ADD3: variants seen among roughly 807,000 people sequenced by gnomAD.
ADD3 encodes the protein adducin 3.
In ADD3, 25 loss-of-function variants were observed where a neutral mutation model predicts 80.2. That is an observed-to-expected ratio of 0.31 (90% confidence interval 0.23 to 0.44). ADD3 has a LOEUF of 0.44. Among genes scored for constraint, ADD3 ranks in the 20% least tolerant of loss-of-function variants. ADD3 has a pLI of 1.00. For synonymous variants in ADD3, 284 were observed against 289.6 expected (o/e 0.98, Z 0.20); for missense variants, 829 against 847.5 (o/e 0.98, Z 0.27).
At position 110,018,019 on chromosome 10, in the gene ADD3, C is replaced by G. The variant is rs185037664; in HGVS notation, c.-30+9720C>G. On this transcript the variant is annotated intron_variant, in intron 1 of 14. Transcript: ENST00000356080. ...AGGGCTTCTGGTCCTTCTCCTTTAT[C>G]TGTAAGGAATTATACTTTAATATGT... Among the ~76,000 whole-genome samples the G allele has an allele frequency of 3.5e-3, 533 of 152,292 alleles. 1 individual carries two copies. The highest frequency in any genetic ancestry group is 6.5e-3 in the Admixed American group (100 of 15,292).
intron 1 of ADD3, among the ~76,000 whole-genome samples, chr10:110,072,513 A>G (rs1844858247): frequency 1.3e-5 from 2 of 152,194 alleles, no homozygotes; most frequent in South Asian, 4.1e-4. Flanking sequence ...AGTAAGCCAG[A>G]GGGTTGTGGG....
intron 3 of ADD3, among the ~76,000 whole-genome samples, chr10:110,114,813 C>G (rs1022991773): frequency 1.3e-5 from 2 of 152,292 alleles, no homozygotes; most frequent in African/African-American, 4.8e-5. Flanking sequence ...CACAGTGGCT[C>G]ATGTCTGTAA....
At chr10:110,042,541 T>G (rs567772348) in intron 1 of ADD3, among the ~76,000 whole-genome samples, 1 of 152,264 alleles carries the variant, frequency 6.6e-6, no homozygotes, top group East Asian at 1.9e-4. Context: ...TAAAATAAAT[T>G]TATTTCAATT....
rs949069747 is a variant in ADD3 at position 110,083,072 on chromosome 10, G to A, written c.-29-17553G>A. Among the ~76,000 whole-genome samples the A allele has an allele frequency of 7.2e-5, 11 of 152,210 alleles. No homozygotes were observed. In the East Asian group the frequency reaches 7.7e-4, roughly 11 times the overall value. ...TGAGTAACTCTAAGTGGACAGTAAA[G>A]AAAGGAAAAAATGTTGACCCAGTTA... On this transcript the variant is annotated intron_variant, in intron 1 of 14. Coordinates refer to ENST00000356080, the MANE Select transcript of ADD3 (RefSeq NM_016824.5).
chr10:110,114,924 T>G (rs548284173), intron 3 of ADD3, among the ~76,000 whole-genome samples: 34 of 147,642 alleles, frequency 2.3e-4, no homozygotes, highest in African/African-American at 8.0e-4. Flanking sequence ...CTAAACAAAT[T>G]AAAAAATTAG....
chr10:110,040,955 T>TCTCTCTCG lies in ADD3; in HGVS notation c.-30+32663_-30+32664insGCTCTCTC, dbSNP rs1856264906. Among the ~76,000 whole-genome samples the TCTCTCTCG allele has an allele frequency of 1.5e-4, 4 of 27,180 alleles. No individual in the cohort carries two copies. The South Asian group carries it at 6.7e-3, about 45-fold the overall frequency. 17.8% of individuals were successfully genotyped at this position (27,180 alleles called of 152,430 possible). Reference sequence around the variant, plus strand: ...CTCTCTCTCTCTCTCGCTCTCTCTGTCTCTCTCTGTCTCTCTCTCTCTCTC... The same window carrying TCTCTCTCG: ...CTCTCTCTCTCTCTCGCTCTCTCTGTCTCTCTCGCTCTCTCTGTCTCTCTCTCTCTCTC... On this transcript the variant is annotated intron_variant, in intron 1 of 14. Coordinates refer to ENST00000356080, the MANE Select transcript of ADD3 (RefSeq NM_016824.5).
chr10:110,088,173 C>A (rs1847038124), intron 1 of ADD3, among the ~76,000 whole-genome samples: 1 of 152,104 alleles, frequency 6.6e-6, no homozygotes, highest in South Asian at 2.1e-4. Flanking sequence ...ATCTACAAAC[C>A]CTATTTTCAA....
At chr10:110,094,826 A>G (rs1015381979) in intron 1 of ADD3, among the ~76,000 whole-genome samples, 31 of 152,180 alleles carry the variant, frequency 2.0e-4, no homozygotes, top group African/African-American at 7.5e-4. Flanking sequence ...CTGAAATAGC[A>G]TTTGTTGTTT....
At chr10:110,046,345 T>A (rs1404020542) in intron 1 of ADD3, among the ~76,000 whole-genome samples, 2 of 152,140 alleles carry the variant, frequency 1.3e-5, no homozygotes, top group African/African-American at 4.8e-5. Flanking sequence ...CATAATCAAC[T>A]GTTTATGCTA....
chr10:110,090,099 A>T (rs541958824), intron 1 of ADD3, among the ~76,000 whole-genome samples: 6 of 151,390 alleles, frequency 4.0e-5, no homozygotes, highest in Non-Finnish European at 8.8e-5. Context: ...TCAATAAAAT[A>T]TCCTTCGTCG....
intron 1 of ADD3, among the ~76,000 whole-genome samples, chr10:110,077,826 C>G (rs1845547856): frequency 6.6e-6 from 1 of 151,856 alleles, no homozygotes; most frequent in African/African-American, 2.4e-5. Flanking sequence ...CACTGAGTTT[C>G]TCTTTGTACC....
At chr10:110,008,986 G>T (rs1033301285) in intron 1 of ADD3, among the ~76,000 whole-genome samples, 6 of 152,164 alleles carry the variant, frequency 3.9e-5, no homozygotes, top group Non-Finnish European at 7.3e-5. Context: ...TTTGGAGGTA[G>T]GCTATTATAG....
intron 1 of ADD3, among the ~76,000 whole-genome samples, chr10:110,077,816 C>G (rs1177527828): frequency 6.6e-6 from 1 of 151,994 alleles, no homozygotes; most frequent in African/African-American, 2.4e-5. Context: ...CCCCCTCACA[C>G]ACTGAGTTTC....
upstream of ADD3, among the ~76,000 whole-genome samples, chr10:110,004,810 A>C (rs1362132164): frequency 1.3e-5 from 2 of 152,102 alleles, no homozygotes; most frequent in Non-Finnish European, 2.9e-5. Context: ...ATAGAGAAAA[A>C]AACATAACTG....
chr10:109,996,414 C>T (rs1214133920), exon 1 of ADD3: 3 of 152,110 alleles, frequency 2.0e-5, no homozygotes, highest in Non-Finnish European at 4.4e-5. Flanking sequence ...AGAAACTTGG[C>T]TTGTTCAGAA....
At chr10:110,051,710 A>G (rs1400965593) in intron 1 of ADD3, among the ~76,000 whole-genome samples, 1 of 152,282 alleles carries the variant, frequency 6.6e-6, no homozygotes, top group Admixed American at 6.5e-5. Flanking sequence ...AAAGAATCAC[A>G]GGGTGGCAAA....
rs568278191 is a variant in ADD3 at position 110,102,255 on chromosome 10, A to G, written c.195+1407A>G. 2.8e-5 allele frequency among the ~76,000 whole-genome samples: 4 copies of G among 143,376 alleles called. No homozygotes were observed. In the South Asian group the frequency reaches 8.3e-4, roughly 30 times the overall value. The allele number at this position is 143,376 out of a possible 152,430, so 94.1% of individuals were successfully genotyped here. A position where few individuals can be genotyped will look rare whatever the true frequency, so the allele number is the denominator to read the frequency against. On this transcript the variant is annotated intron_variant, in intron 2 of 14. Coordinates refer to ENST00000356080, the MANE Select transcript of ADD3 (RefSeq NM_016824.5). ...TTATAAACACTTGAAGAGCACATTA[A>G]TTATTTAGATCAAAAATAGATATGT...
At chr10:110,126,821 AG>A (rs1213294687) in intron 12 of ADD3, among the ~76,000 whole-genome samples, 1 of 152,210 alleles carries the variant, frequency 6.6e-6, no homozygotes, top group African/African-American at 2.4e-5. Context: ...TTGGGATTAC[AG>A]GTATAAACCA....
At position 110,133,657 on chromosome 10, in the gene ADD3, A is replaced by T. The variant is rs748008746; in HGVS notation, c.*39A>T. The T allele has an allele frequency of 2.7e-5, 40 of 1,462,432 alleles. 1 individual carries two copies. Among genetic ancestry groups the T allele is most frequent in the Non-Finnish European group, 3.2e-5 (35 of 1,093,282 alleles). The allele number at this position is 1,462,432 out of a possible 1,614,324, so 90.6% of individuals were successfully genotyped here. A position where few individuals can be genotyped will look rare whatever the true frequency, so the allele number is the denominator to read the frequency against. Reference sequence around the variant, plus strand: ...ATAATTATTATTATAACAATGTGACATTGCACATCTAAATACCACATTTAA... The same window carrying T: ...ATAATTATTATTATAACAATGTGACTTTGCACATCTAAATACCACATTTAA... On this transcript the variant is annotated 3_prime_UTR_variant, in exon 15 of 15. Coordinates refer to ENST00000356080, the MANE Select transcript of ADD3 (RefSeq NM_016824.5).
Sources: gnomAD v4.1 joint callset for allele counts (sites outside exome capture counted in the v4.1 genomes callset) on GRCh38, gnomAD v4.1.1 for gene constraint, MANE v1.5 for transcripts, NCBI Gene and HGNC (gene_info 2026-07-23, HGNC 2026-07-21) for gene names.